The following COL19A1 variants were observed in gnomAD, a reference collection of about 807,000 sequenced individuals.
COL19A1 encodes the protein collagen alpha-1(XIX) chain.
In COL19A1, 159 loss-of-function variants were observed where a neutral mutation model predicts 190.2. The ratio of observed to expected loss-of-function variants is 0.84; its 90% confidence interval spans 0.73 to 0.95. The LOEUF (loss-of-function observed/expected upper bound fraction) is 0.95, where lower values mean the gene tolerates loss of function less well. COL19A1 is among the 40% of genes least tolerant of loss of function. The pLI is 0.00. For synonymous variants in COL19A1, 509 were observed against 458.9 expected (o/e 1.11, Z -1.39); for missense variants, 1,418 against 1,431.9 (o/e 0.99, Z 0.16).
intron 12 of COL19A1, among the ~76,000 whole-genome samples, chr6:70,030,601 G>A (rs1779005303): frequency 6.6e-6 from 1 of 152,142 alleles, no homozygotes; most frequent in Non-Finnish European, 1.5e-5. Flanking sequence ...AATAATATTT[G>A]TTGAGTAAAT....
At chr6:70,124,409 C>T (rs970630015) in intron 17 of COL19A1, among the ~76,000 whole-genome samples, 1 of 152,182 alleles carries the variant, frequency 6.6e-6, no homozygotes, top group African/African-American at 2.4e-5. Context: ...TTAAAGCTCA[C>T]ATCTTTACAG....
At chr6:70,096,474 G>A (rs35665588) in intron 15 of COL19A1, among the ~76,000 whole-genome samples, 26,242 of 152,016 alleles carry the variant, frequency 0.17, 3,053 homozygotes, top group African/African-American at 0.29. Flanking sequence ...CTGGGTGTAT[G>A]CAGTAGGAAT....
chr6:70,002,665 T>C (rs1052706657), intron 11 of COL19A1, among the ~76,000 whole-genome samples: 1 of 151,232 alleles, frequency 6.6e-6, no homozygotes, highest in African/African-American at 2.4e-5. Context: ...GAGGTGTTTA[T>C]AGTATTCTCT....
intron 9 of COL19A1, among the ~76,000 whole-genome samples, chr6:69,958,154 C>A (rs992886770): frequency 1.3e-5 from 2 of 152,242 alleles, no homozygotes; most frequent in South Asian, 4.1e-4. Context: ...CAGGCTAGGA[C>A]TTTGGGTGCC....
At chr6:70,095,822 A>G (rs1041858682) in intron 15 of COL19A1, among the ~76,000 whole-genome samples, 2 of 152,142 alleles carry the variant, frequency 1.3e-5, no homozygotes, top group Non-Finnish European at 2.9e-5. Context: ...TTCACTTAGT[A>G]TAATGTCCTC....
At chr6:70,142,544 A>C (rs1786327697) in intron 22 of COL19A1, among the ~76,000 whole-genome samples, 2 of 152,174 alleles carry the variant, frequency 1.3e-5, no homozygotes, top group Non-Finnish European at 2.9e-5. Context: ...GTTACCAGGT[A>C]TCACCTGCTG....
chr6:69,880,603 C>T (rs1768471310), intron 2 of COL19A1, among the ~76,000 whole-genome samples: 1 of 152,190 alleles, frequency 6.6e-6, no homozygotes, highest in South Asian at 2.1e-4. Flanking sequence ...AGATCTAACA[C>T]ATCGTAGTCT....
At chr6:70,196,688 C>T (rs772904117) in intron 48 of COL19A1, among the ~76,000 whole-genome samples, 11 of 152,218 alleles carry the variant, frequency 7.2e-5, no homozygotes, top group Non-Finnish European at 1.3e-4. Flanking sequence ...ACTGCTGTGG[C>T]TTTGCCTTGG....
intron 15 of COL19A1, among the ~76,000 whole-genome samples, chr6:70,080,343 C>T (rs1782172554): frequency 6.6e-6 from 1 of 152,164 alleles, no homozygotes; most frequent in Admixed American, 6.5e-5. Flanking sequence ...GTGAAAGGGG[C>T]AGGCCTTGGG....
At position 70,208,676 on chromosome 6, in the gene COL19A1, G is replaced by T. The variant is rs1161308676; in HGVS notation, c.*1402G>T. ...AGAGCCTGCCAGCCACAGCAATCAG[G>T]ACTCACAGCTCTTCAAGGAGCAGTG... On this transcript the variant is annotated 3_prime_UTR_variant, in exon 51 of 51. Coordinates refer to ENST00000620364, the MANE Select transcript of COL19A1 (RefSeq NM_001858.6). The T allele has an allele frequency of 1.3e-5, 2 of 152,648 alleles. No homozygotes were observed. Among genetic ancestry groups the T allele is most frequent in the Non-Finnish European group, 2.9e-5 (2 of 68,058 alleles). The allele number at this position is 152,648 out of a possible 1,614,324, so 9.5% of individuals were successfully genotyped here. A position where few individuals can be genotyped will look rare whatever the true frequency, so the allele number is the denominator to read the frequency against.
chr6:70,020,482 C>T (rs1778356777), intron 11 of COL19A1, among the ~76,000 whole-genome samples: 1 of 151,954 alleles, frequency 6.6e-6, no homozygotes, highest in South Asian at 2.1e-4. Flanking sequence ...TCTAATCCAT[C>T]CAGAATTAAC....
chr6:70,169,169 A>G (rs1361159066), intron 40 of COL19A1, among the ~76,000 whole-genome samples: 1 of 152,208 alleles, frequency 6.6e-6, no homozygotes, highest in African/African-American at 2.4e-5. Context: ...GGAGGAATGT[A>G]TCAGGAGGTT....
chr6:69,937,792 C>T (rs1773205464), intron 8 of COL19A1, among the ~76,000 whole-genome samples: 1 of 152,034 alleles, frequency 6.6e-6, no homozygotes, highest in Non-Finnish European at 1.5e-5. Context: ...GCTTGTGTTC[C>T]AGCTCATGGA....
chr6:69,907,140 T>C (rs1206751460), intron 4 of COL19A1, among the ~76,000 whole-genome samples: 1 of 144,268 alleles, frequency 6.9e-6, no homozygotes, highest in Non-Finnish European at 1.5e-5. Flanking sequence ...AGACGGAGTC[T>C]CCAAAAAAAC....
intron 18 of COL19A1, among the ~76,000 whole-genome samples, chr6:70,135,555 T>A (rs1457980575): frequency 6.6e-6 from 1 of 152,166 alleles, no homozygotes; most frequent in African/African-American, 2.4e-5. Flanking sequence ...TTTACAATAT[T>A]GTTATCAAGC....
intron 34 of COL19A1, 131 bp downstream of exon 34, chr6:70,156,854 G>A (rs1787472582): frequency 1.8e-6 from 1 of 549,746 alleles, no homozygotes; most frequent in Non-Finnish European, 3.0e-6. Flanking sequence ...ACCACTTAGA[G>A]CTTTTAAAAT....
At chr6:69,922,860 C>T (rs1772082176) in intron 4 of COL19A1, among the ~76,000 whole-genome samples, 1 of 152,072 alleles carries the variant, frequency 6.6e-6, no homozygotes, top group African/African-American at 2.4e-5. Context: ...TGCTGGATCA[C>T]TCACTCATTC....
chr6:70,181,848 G>A (rs10945200), intron 44 of COL19A1, among the ~76,000 whole-genome samples: 64,283 of 151,892 alleles, frequency 0.42, 13,804 homozygotes, highest in South Asian at 0.49. Context: ...GAAATGGCTA[G>A]GAGAGAAGTG....
chr6:70,077,442 C>T (rs1245615289), intron 15 of COL19A1, among the ~76,000 whole-genome samples: 1 of 151,966 alleles, frequency 6.6e-6, no homozygotes, highest in African/African-American at 2.4e-5. Context: ...TTCCTCAAAA[C>T]CAGTAAACTT....
Sources: allele counts gnomAD v4.1 joint callset (sites outside exome capture counted in the v4.1 genomes callset), GRCh38; gene constraint gnomAD v4.1.1; transcripts MANE v1.5; gene names NCBI Gene and HGNC (gene_info 2026-07-23, HGNC 2026-07-21).